The following SPOCK3 variants were observed in gnomAD, a reference collection of about 807,000 sequenced individuals.
The protein encoded by SPOCK3 is testican-3.
Under a neutral mutation model 56.6 loss-of-function variants are expected in SPOCK3, and 30 were observed. That is an observed-to-expected ratio of 0.53 (90% CI 0.40 to 0.72). The LOEUF is 0.72. SPOCK3 is among the 30% of genes least tolerant of loss of function. SPOCK3 has a pLI of 0.00. For missense variants in SPOCK3, 527 were observed against 530.0 expected, an observed-to-expected ratio of 0.99 and a Z score of 0.06; for synonymous variants, 196 against 183.3, an observed-to-expected ratio of 1.07 and a Z score of -0.56.
chr4:166,788,658 G>C (rs939321235), intron 7 of SPOCK3, among the ~76,000 whole-genome samples: 11 of 151,556 alleles, frequency 7.3e-5, no homozygotes, highest in Admixed American at 4.6e-4. Flanking sequence ...CATAATTATA[G>C]CTATAAAGTG....
At chr4:166,772,100 T>TGAC (rs1739004324) in intron 7 of SPOCK3, among the ~76,000 whole-genome samples, 1 of 152,062 alleles carries the variant, frequency 6.6e-6, no homozygotes, top group African/African-American at 2.4e-5. Flanking sequence ...TTTTATTTTA[T>TGAC]AGTCAGTCTT....
At chr4:166,820,467 G>T (rs1048076105) in intron 6 of SPOCK3, among the ~76,000 whole-genome samples, 2 of 151,960 alleles carry the variant, frequency 1.3e-5, no homozygotes, top group East Asian at 1.9e-4. Context: ...GGGTCATACA[G>T]CTGTTAAGAT....
chr4:167,008,687 C>T (rs894295506), intron 3 of SPOCK3, among the ~76,000 whole-genome samples: 8 of 151,932 alleles, frequency 5.3e-5, no homozygotes, highest in East Asian at 1.9e-4. Context: ...TGTCCTTTGC[C>T]GCAACATGGA....
At chr4:167,010,169 C>T (rs1163785361) in intron 3 of SPOCK3, among the ~76,000 whole-genome samples, 2 of 152,018 alleles carry the variant, frequency 1.3e-5, no homozygotes, top group Non-Finnish European at 1.5e-5. Flanking sequence ...GAGTTAATGG[C>T]AAATCATGGC....
chr4:166,797,114 T>A (rs532603600), intron 6 of SPOCK3, among the ~76,000 whole-genome samples: 1 of 152,248 alleles, frequency 6.6e-6, no homozygotes, highest in African/African-American at 2.4e-5. Context: ...GACTCTTAAT[T>A]ATTCAAGTAC....
chr4:167,169,971 T>A (rs1046580564), intron 2 of SPOCK3, among the ~76,000 whole-genome samples: 3 of 152,166 alleles, frequency 2.0e-5, no homozygotes, highest in Admixed American at 1.3e-4. Context: ...TTCATTCTCC[T>A]TCTGCCATGA....
At chr4:166,939,660 A>C (rs1261965086) in intron 4 of SPOCK3, among the ~76,000 whole-genome samples, 1 of 152,198 alleles carries the variant, frequency 6.6e-6, no homozygotes, top group Non-Finnish European at 1.5e-5. Flanking sequence ...CATATAATAC[A>C]TAGTAGGAGC....
chr4:167,158,510 T>C (rs758746014), intron 2 of SPOCK3, among the ~76,000 whole-genome samples: 14 of 152,012 alleles, frequency 9.2e-5, no homozygotes, highest in Non-Finnish European at 2.1e-4. Context: ...TTTGTTATTA[T>C]ACACAAAAGA....
intron 2 of SPOCK3, among the ~76,000 whole-genome samples, chr4:167,197,894 A>G (rs1290600746): frequency 6.6e-6 from 1 of 152,166 alleles, no homozygotes; most frequent in African/African-American, 2.4e-5. Context: ...CCTGCAGAAG[A>G]CACCTCATTC....
At chr4:166,994,915 G>A (rs1748193631) in intron 4 of SPOCK3, among the ~76,000 whole-genome samples, 1 of 152,090 alleles carries the variant, frequency 6.6e-6, no homozygotes, top group Admixed American at 6.6e-5. Flanking sequence ...AACATGCTGA[G>A]AAACAGTACA....
chr4:167,200,956 G>A (rs1385519), intron 2 of SPOCK3, among the ~76,000 whole-genome samples: 44,226 of 151,796 alleles, frequency 0.29, 7,644 homozygotes, highest in African/African-American at 0.49. Context: ...CACCAGCTAT[G>A]ATTAAACAAC....
chr4:166,992,375 C>G (rs535719307), intron 4 of SPOCK3, among the ~76,000 whole-genome samples: 1 of 152,250 alleles, frequency 6.6e-6, no homozygotes, highest in African/African-American at 2.4e-5. Flanking sequence ...ATAATATTTT[C>G]TACCCTTTTC....
chr4:167,122,507 TAGAG>T (rs1348694603), intron 2 of SPOCK3, among the ~76,000 whole-genome samples: 1 of 152,162 alleles, frequency 6.6e-6, no homozygotes, highest in Non-Finnish European at 1.5e-5. Context: ...TCCCTATAGA[TAGAG>T]AGGAAAAGTC....
chr4:166,792,363 C>A, intron 6 of SPOCK3, 74 bp from the exon 7 acceptor site: 1 of 1,514,250 alleles, frequency 6.6e-7, no homozygotes, highest in South Asian at 1.2e-5. Context: ...CTCATTAGTC[C>A]AATAAACTGA....
Position 167,051,547 on chromosome 4 carries a change from C to A in SPOCK3, c.235+10945G>T, listed in dbSNP as rs192150312. Among the ~76,000 whole-genome samples the A allele has an allele frequency of 2.0e-5, 3 of 152,304 alleles. No individual in the cohort carries two copies. In the East Asian group the frequency reaches 5.8e-4, roughly 29 times the overall value. On this transcript the variant is annotated intron_variant, in intron 3 of 10. Transcript: ENST00000357545. ...GCAGTATACAACAACTTTCAAACTC[C>A]CTTCTTCAATGGACTAGCAAAACAC...
intron 2 of SPOCK3, among the ~76,000 whole-genome samples, chr4:167,105,894 C>A (rs1279999563): frequency 6.6e-6 from 1 of 151,808 alleles, no homozygotes; most frequent in Non-Finnish European, 1.5e-5. Context: ...CAAAGAAGTA[C>A]ATCATATCAT....
chr4:166,893,940 C>T (rs1342269887), intron 5 of SPOCK3, among the ~76,000 whole-genome samples: 5 of 152,118 alleles, frequency 3.3e-5, no homozygotes, highest in African/African-American at 1.2e-4. Context: ...GAATGGTGTT[C>T]TCCATTCAAA....
intron 4 of SPOCK3, among the ~76,000 whole-genome samples, chr4:166,991,907 C>T (rs927636749): frequency 6.6e-6 from 1 of 151,970 alleles, no homozygotes; most frequent in South Asian, 2.1e-4. Context: ...TATTCACACA[C>T]GTGTATATAA....
chr4:167,090,213 G>A (rs1247369871), intron 2 of SPOCK3, among the ~76,000 whole-genome samples: 1 of 152,060 alleles, frequency 6.6e-6, no homozygotes, highest in Admixed American at 6.6e-5. Flanking sequence ...TTCCCAAATT[G>A]GTTGTACCAT....
Sources: allele counts gnomAD v4.1 joint callset (sites outside exome capture counted in the v4.1 genomes callset), GRCh38; gene constraint gnomAD v4.1.1; transcripts MANE v1.5; gene names NCBI Gene and HGNC (gene_info 2026-07-23, HGNC 2026-07-21).